Variants in STRN observed in about 807,000 individuals in gnomAD.
The protein encoded by STRN is striatin, also known as protein phosphatase 2 regulatory subunit B'''alpha.
In STRN, 53 loss-of-function variants were observed where a neutral mutation model predicts 96.3. That is an observed-to-expected ratio of 0.55 (90% confidence interval 0.44 to 0.69). The LOEUF (loss-of-function observed/expected upper bound fraction) is 0.69, where lower values mean the gene tolerates loss of function less well. STRN is among the 30% of genes least tolerant of loss of function. The pLI is 0.00. For missense variants in STRN, 987 were observed against 963.9 expected, an observed-to-expected ratio of 1.02 and a Z score of -0.32; for synonymous variants, 428 against 355.9, an observed-to-expected ratio of 1.20 and a Z score of -2.28.
intron 5 of STRN, among the ~76,000 whole-genome samples, chr2:36,901,564 A>C (rs1572660591): frequency 1.3e-5 from 2 of 151,516 alleles, no homozygotes; most frequent in Admixed American, 6.6e-5. Context: ...AAAAAAAAAA[A>C]AAAAACATTT....
chr2:36,892,176 C>A (rs1329895348), intron 7 of STRN, among the ~76,000 whole-genome samples: 4 of 152,120 alleles, frequency 2.6e-5, no homozygotes, highest in Non-Finnish European at 1.5e-5. Context: ...AAACCAAATA[C>A]TACATGTTCT....
intron 1 of STRN, among the ~76,000 whole-genome samples, chr2:36,943,525 C>T (rs1010075819): frequency 6.6e-6 from 1 of 152,038 alleles, no homozygotes; most frequent in African/African-American, 2.4e-5. Context: ...TTAAAATAGG[C>T]CAGGCACAGT....
At chr2:36,894,667 T>C (rs1252059638) in intron 6 of STRN, among the ~76,000 whole-genome samples, 2 of 152,242 alleles carry the variant, frequency 1.3e-5, no homozygotes, top group Non-Finnish European at 2.9e-5. Flanking sequence ...AAGATTTCAA[T>C]ATCTCAGTTT....
At chr2:36,857,655 G>T (rs535329154) in intron 14 of STRN, among the ~76,000 whole-genome samples, 1 of 151,764 alleles carries the variant, frequency 6.6e-6, no homozygotes, top group African/African-American at 2.4e-5. Flanking sequence ...GTGATACTCC[G>T]TCTCAAAAAA....
At chr2:36,880,173 G>T (rs577292114) in intron 9 of STRN, among the ~76,000 whole-genome samples, 2 of 152,320 alleles carry the variant, frequency 1.3e-5, no homozygotes, top group Admixed American at 6.5e-5. Context: ...TTGCCACGTT[G>T]GCCAGGCTGG....
At chr2:36,907,076 T>C (rs144374206) in intron 3 of STRN, among the ~76,000 whole-genome samples, 2 of 152,304 alleles carry the variant, frequency 1.3e-5, no homozygotes, top group African/African-American at 4.8e-5. Flanking sequence ...GCTTTCCCTA[T>C]GGTAAGTCTG....
intron 10 of STRN, among the ~76,000 whole-genome samples, chr2:36,876,202 C>T (rs1488549330): frequency 1.3e-5 from 2 of 149,142 alleles, no homozygotes; most frequent in South Asian, 2.1e-4. Context: ...CCCGGTGGGG[C>T]GGAGGGTGCA....
chr2:36,882,976 A>G (rs369097089), intron 9 of STRN, among the ~76,000 whole-genome samples: 10 of 152,340 alleles, frequency 6.6e-5, no homozygotes, highest in African/African-American at 2.2e-4. Flanking sequence ...ATTACACTGC[A>G]AAAGACTAAA....
intron 1 of STRN, among the ~76,000 whole-genome samples, chr2:36,945,934 T>A (rs1422842799): frequency 6.6e-6 from 1 of 152,182 alleles, no homozygotes; most frequent in Non-Finnish European, 1.5e-5. Flanking sequence ...TTAACAGTTA[T>A]ACAGTTTTCA....
At chr2:36,945,599 G>A (rs575171362) in intron 1 of STRN, among the ~76,000 whole-genome samples, 3 of 152,034 alleles carry the variant, frequency 2.0e-5, no homozygotes, top group Non-Finnish European at 2.9e-5. Flanking sequence ...CCAAGAGGCA[G>A]AGTTGCAGTG....
intron 3 of STRN, among the ~76,000 whole-genome samples, chr2:36,907,731 TTC>T (rs1403618995): frequency 1.3e-5 from 2 of 152,292 alleles, no homozygotes; most frequent in East Asian, 1.9e-4. Context: ...AGTGTTGAAT[TTC>T]TGTTTCACTC....
intron 2 of STRN, among the ~76,000 whole-genome samples, chr2:36,920,202 A>G (rs1378681802): frequency 2.0e-5 from 3 of 152,248 alleles, no homozygotes; most frequent in Non-Finnish European, 4.4e-5. Flanking sequence ...CTATGAGTAT[A>G]TTTCAAATTT....
intron 5 of STRN, among the ~76,000 whole-genome samples, chr2:36,900,090 T>G (rs756912037): frequency 6.6e-6 from 1 of 152,152 alleles, no homozygotes; most frequent in Non-Finnish European, 1.5e-5. Flanking sequence ...GGTTCCACTA[T>G]GTTGCCCAAA....
intron 2 of STRN, 68 bp downstream of exon 2, chr2:36,925,037 C>G: frequency 6.9e-7 from 1 of 1,458,234 alleles, no homozygotes; most frequent in Non-Finnish European, 9.6e-7. Flanking sequence ...GCCTGGGCAA[C>G]AAGAACGAAA....
chr2:36,949,220 T>C (rs747872891), intron 1 of STRN, among the ~76,000 whole-genome samples: 1 of 152,260 alleles, frequency 6.6e-6, no homozygotes, highest in Non-Finnish European at 1.5e-5. Flanking sequence ...CCTAGGTATG[T>C]AGCAGGCTAT....
intron 10 of STRN, among the ~76,000 whole-genome samples, chr2:36,876,255 A>G (rs1668908120): frequency 6.9e-6 from 1 of 145,708 alleles, no homozygotes; most frequent in Non-Finnish European, 1.5e-5. Context: ...TGGGTGACCG[A>G]GTGAGACCCT....
chr2:36,942,023 G>C (rs1204780982), intron 1 of STRN, among the ~76,000 whole-genome samples: 1 of 152,080 alleles, frequency 6.6e-6, no homozygotes, highest in Non-Finnish European at 1.5e-5. Context: ...AACGCCAAGG[G>C]CCTGCTTTCT....
chr2:36,926,755 G>A (rs1443108440), intron 1 of STRN, among the ~76,000 whole-genome samples: 1 of 152,002 alleles, frequency 6.6e-6, no homozygotes, highest in Non-Finnish European at 1.5e-5. Context: ...AAATAAAAGT[G>A]GTCTGAAAAC....
chr2:36,885,294 AT>A (rs1172633372), intron 8 of STRN, among the ~76,000 whole-genome samples: 2 of 152,082 alleles, frequency 1.3e-5, no homozygotes, highest in African/African-American at 4.8e-5. Context: ...CAAGACATTC[AT>A]TTTTGTAGCA....
Sources: allele counts gnomAD v4.1 joint callset (sites outside exome capture counted in the v4.1 genomes callset), GRCh38; gene constraint gnomAD v4.1.1; transcripts MANE v1.5; gene names NCBI Gene and HGNC (gene_info 2026-07-23, HGNC 2026-07-21).